KHDRBS2: variants seen among roughly 807,000 people sequenced by gnomAD.
KHDRBS2 encodes the protein KH domain-containing, RNA-binding, signal transduction-associated protein 2.
Under a neutral mutation model 44.3 loss-of-function variants are expected in KHDRBS2, and 26 were observed. The ratio of observed to expected loss-of-function variants is 0.59; its 90% CI spans 0.43 to 0.81. The LOEUF (loss-of-function observed/expected upper bound fraction) is 0.81, where lower values mean the gene tolerates loss of function less well. KHDRBS2 is among the 40% of genes least tolerant of loss of function. KHDRBS2 has a pLI of 0.00. For synonymous variants in KHDRBS2, 194 were observed against 151.1 expected (o/e 1.28, Z -2.08); for missense variants, 476 against 433.1 (o/e 1.10, Z -0.88).
At chr6:62,057,890 T>C (rs1584410087) in intron 2 of KHDRBS2, among the ~76,000 whole-genome samples, 2 of 152,048 alleles carry the variant, frequency 1.3e-5, no homozygotes, top group East Asian at 1.9e-4. Context: ...CAAAACATAA[T>C]TGGTGGCAAA....
the KHDRBS2 span, among the ~76,000 whole-genome samples, chr6:61,542,864 C>A: frequency 6.6e-6 from 1 of 151,800 alleles, no homozygotes; most frequent in African/African-American, 2.4e-5. Context: ...GAGATTTGGC[C>A]CTGCTGGAAA....
chr6:62,193,046 T>C (rs1187109091), intron 1 of KHDRBS2, among the ~76,000 whole-genome samples: 1 of 152,060 alleles, frequency 6.6e-6, no homozygotes, highest in Admixed American at 6.6e-5. Flanking sequence ...AGCATCAATA[T>C]TTTGGCTGAA....
intron 6 of KHDRBS2, among the ~76,000 whole-genome samples, chr6:61,769,637 C>T (rs560649202): frequency 3.5e-4 from 54 of 152,144 alleles, no homozygotes; most frequent in African/African-American, 1.1e-3. Context: ...GGGGGGGCGG[C>T]GCCCGCCATT....
At chr6:62,150,904 A>C (rs1815022746) in intron 2 of KHDRBS2, among the ~76,000 whole-genome samples, 1 of 152,214 alleles carries the variant, frequency 6.6e-6, no homozygotes, top group Non-Finnish European at 1.5e-5. Context: ...CATCCATTTA[A>C]GAGCCAAAGG....
the KHDRBS2 span, among the ~76,000 whole-genome samples, chr6:61,571,143 C>T: frequency 2.6e-5 from 4 of 151,956 alleles, no homozygotes; most frequent in Non-Finnish European, 4.4e-5. Context: ...AGATAAAAAT[C>T]CATCAACCAA....
At chr6:61,603,306 C>T in the KHDRBS2 span, among the ~76,000 whole-genome samples, 2 of 152,214 alleles carry the variant, frequency 1.3e-5, no homozygotes, top group South Asian at 2.1e-4. Context: ...ACTCTCCTAC[C>T]CTCAATACCT....
chr6:62,053,477 A>G (rs1241297564), intron 2 of KHDRBS2, among the ~76,000 whole-genome samples: 1 of 152,048 alleles, frequency 6.6e-6, no homozygotes, highest in Non-Finnish European at 1.5e-5. Context: ...GTATTTTAAG[A>G]TTTATAACCT....
chr6:62,151,717 C>G (rs1309904039), intron 2 of KHDRBS2, among the ~76,000 whole-genome samples: 1 of 152,088 alleles, frequency 6.6e-6, no homozygotes, highest in Non-Finnish European at 1.5e-5. Flanking sequence ...GGTATGTACA[C>G]ACACACACAC....
intron 4 of KHDRBS2, among the ~76,000 whole-genome samples, chr6:61,974,278 C>T (rs925677074): frequency 6.6e-6 from 1 of 151,896 alleles, no homozygotes; most frequent in African/African-American, 2.4e-5. Flanking sequence ...AAATGTTACC[C>T]CCTAGAGTTG....
intron 2 of KHDRBS2, among the ~76,000 whole-genome samples, chr6:62,142,120 GAA>G (rs767479395): frequency 6.6e-6 from 1 of 152,016 alleles, no homozygotes; most frequent in Non-Finnish European, 1.5e-5. Context: ...AATAGAGAGA[GAA>G]GAGTACTGAT....
chr6:62,245,085 C>T (rs1378896727), intron 1 of KHDRBS2, among the ~76,000 whole-genome samples: 3 of 152,058 alleles, frequency 2.0e-5, no homozygotes, highest in African/African-American at 4.8e-5. Context: ...CATTCTCATG[C>T]GACTAGAAGG....
intron 1 of KHDRBS2, among the ~76,000 whole-genome samples, chr6:62,215,560 A>T (rs1482352777): frequency 6.6e-6 from 1 of 151,602 alleles, no homozygotes; most frequent in Non-Finnish European, 1.5e-5. Flanking sequence ...CAACCACAAT[A>T]AAAAAATACG....
downstream of KHDRBS2, among the ~76,000 whole-genome samples, chr6:61,678,729 GA>G (rs1172176063): frequency 2.0e-5 from 3 of 151,842 alleles, no homozygotes; most frequent in Admixed American, 6.6e-5. Flanking sequence ...TTTCAAAGAG[GA>G]CAAAAAATAC....
intron 1 of KHDRBS2, among the ~76,000 whole-genome samples, chr6:62,278,621 C>T (rs942170836): frequency 6.6e-5 from 10 of 151,980 alleles, no homozygotes; most frequent in African/African-American, 1.5e-4. Flanking sequence ...TAAATGAATG[C>T]GGATGGGACA....
At chr6:61,844,494 C>T (rs1404310928) in intron 6 of KHDRBS2, among the ~76,000 whole-genome samples, 1 of 152,024 alleles carries the variant, frequency 6.6e-6, no homozygotes, top group Non-Finnish European at 1.5e-5. Flanking sequence ...TATAATGATC[C>T]TTGTGATAAC....
At chr6:62,112,266 T>C (rs1805181041) in intron 2 of KHDRBS2, among the ~76,000 whole-genome samples, 1 of 152,190 alleles carries the variant, frequency 6.6e-6, no homozygotes, top group African/African-American at 2.4e-5. Context: ...ATTTCTTTTA[T>C]GAGATTGGAA....
At chr6:61,677,319 G>A (rs1489671994), downstream of KHDRBS2, among the ~76,000 whole-genome samples, 12 of 151,882 alleles carry the variant, frequency 7.9e-5, no homozygotes, top group Non-Finnish European at 1.6e-4. Context: ...ATGTCTGGGT[G>A]AGAGATTCTT....
the KHDRBS2 span, among the ~76,000 whole-genome samples, chr6:61,663,799 T>A: frequency 6.6e-6 from 1 of 151,596 alleles, no homozygotes; most frequent in East Asian, 2.0e-4. Flanking sequence ...GAATAAACTT[T>A]AAGATGTCAC....
At chr6:62,200,837 A>C (rs1319621911) in intron 1 of KHDRBS2, among the ~76,000 whole-genome samples, 3 of 152,206 alleles carry the variant, frequency 2.0e-5, no homozygotes, top group East Asian at 3.8e-4. Context: ...AACCAACCCA[A>C]ATGTCCAACA....
Sources: gnomAD v4.1 joint callset for allele counts (sites outside exome capture counted in the v4.1 genomes callset) on GRCh38, gnomAD v4.1.1 for gene constraint, MANE v1.5 for transcripts, NCBI Gene and HGNC (gene_info 2026-07-23, HGNC 2026-07-21) for gene names.